Variants in PRKG2 observed in about 807,000 individuals in gnomAD.
PRKG2 encodes cGMP-dependent protein kinase 2.
Under a neutral mutation model 97.2 loss-of-function variants are expected in PRKG2, and 33 were observed. That is an observed-to-expected ratio of 0.34 (90% CI 0.26 to 0.45). The LOEUF (loss-of-function observed/expected upper bound fraction) is 0.45. Among genes scored for constraint, PRKG2 ranks in the 20% least tolerant of loss-of-function variants. The pLI, the probability that PRKG2 is intolerant of heterozygous loss-of-function variation, is 1.00. For synonymous variants in PRKG2, 330 were observed against 321.8 expected (o/e 1.03, Z -0.27); for missense variants, 638 against 900.0 (o/e 0.71, Z 3.73).
chr4:81,148,190 G>A (rs75330117), intron 9 of PRKG2, among the ~76,000 whole-genome samples: 2,344 of 151,922 alleles, frequency 0.015, 34 homozygotes, highest in Non-Finnish European at 0.023. Context: ...TTTCATATGC[G>A]TATGCTCTAT....
chr4:81,096,025 T>C (rs1742077285), intron 17 of PRKG2, among the ~76,000 whole-genome samples: 1 of 152,196 alleles, frequency 6.6e-6, no homozygotes, highest in Non-Finnish European at 1.5e-5. Context: ...CAATGAATCA[T>C]AGTCTTTTTG....
Position 81,154,546 on chromosome 4 carries a change from G to T in PRKG2, c.913-825C>A, listed in dbSNP as rs1304176474. ...CACGGCAGGGTACTCCAACAGACCTGCAGCTGAGGGTCCTGTCTGTTAGAA... is the reference window on the plus strand; with the variant it reads ...CACGGCAGGGTACTCCAACAGACCTTCAGCTGAGGGTCCTGTCTGTTAGAA... On this transcript the variant is annotated intron_variant, in intron 6 of 18. Transcript: ENST00000264399. Among the ~76,000 whole-genome samples the T allele has an allele frequency of 3.5e-5, 5 of 141,796 alleles. No homozygotes were observed. The East Asian group carries it at 6.0e-4, about 17-fold the overall frequency. 93.0% of individuals were successfully genotyped at this position (141,796 alleles called of 152,430 possible).
At chr4:81,170,868 A>G (rs1048267531) in intron 4 of PRKG2, among the ~76,000 whole-genome samples, 8 of 152,148 alleles carry the variant, frequency 5.3e-5, no homozygotes, top group Non-Finnish European at 1.0e-4. Flanking sequence ...GACTAGCTAG[A>G]AAGCAAACAT....
intron 14 of PRKG2, among the ~76,000 whole-genome samples, chr4:81,121,165 C>T (rs1745030820): frequency 6.6e-6 from 1 of 151,898 alleles, no homozygotes; most frequent in South Asian, 2.1e-4. Context: ...GGTATATAAT[C>T]CTTTGTATAC....
chr4:81,152,273 C>T (rs1006062683), intron 7 of PRKG2, among the ~76,000 whole-genome samples: 3 of 152,220 alleles, frequency 2.0e-5, no homozygotes, highest in African/African-American at 2.4e-5. Flanking sequence ...AATAACTACC[C>T]ACTGTAAGAG....
In PRKG2 at chr4:81,087,618, G is replaced by A. The variant is rs931682097; in HGVS notation, c.*2090C>T. On this transcript the variant is annotated 3_prime_UTR_variant, in exon 19 of 19. Coordinates refer to ENST00000264399, the MANE Select transcript of PRKG2 (RefSeq NM_006259.3). ...CTTAATCCCTGAAACAAACCTCTAA[G>A]TAAATATTACTTTACTCTGCCTTTT... 3 of 152,034 alleles carry A rather than the reference G, an allele frequency of 2.0e-5. No individual in the cohort carries two copies. The highest frequency in any genetic ancestry group is 7.2e-5 in the African/African-American group (3 of 41,432). The allele number at this position is 152,034 out of a possible 1,614,324, so 9.4% of individuals were successfully genotyped here.
At position 81,110,620 on chromosome 4, in the gene PRKG2, G is replaced by C. The variant is rs1453032698; in HGVS notation, c.1777-9C>G. 5 of 1,613,078 alleles carry C rather than the reference G, an allele frequency of 3.1e-6. No homozygotes were observed. The highest frequency in any genetic ancestry group is 4.2e-6 in the Non-Finnish European group (5 of 1,179,716). On this transcript the variant is annotated splice_polypyrimidine_tract_variant and intron_variant, in intron 14 of 18. Coordinates refer to ENST00000264399, the MANE Select transcript of PRKG2 (RefSeq NM_006259.3). ...GCAAATCCAAAGTCAACCTGGTAAA[G>C]AATAGCAAAGAAATTGTGCAGAAAC...
intron 3 of PRKG2, among the ~76,000 whole-genome samples, chr4:81,172,251 T>C (rs1192222579): frequency 1.3e-5 from 2 of 152,100 alleles, no homozygotes; most frequent in African/African-American, 4.8e-5. Context: ...ATGTAATACA[T>C]GAAACTATTT....
intron 8 of PRKG2, among the ~76,000 whole-genome samples, chr4:81,149,167 A>G (rs188499449): frequency 6.6e-6 from 1 of 152,290 alleles, no homozygotes; most frequent in Non-Finnish European, 1.5e-5. Context: ...AGAGGAGAAG[A>G]AGATAATTGC....
At chr4:81,129,585 T>C (rs970022342) in intron 14 of PRKG2, among the ~76,000 whole-genome samples, 3 of 152,190 alleles carry the variant, frequency 2.0e-5, no homozygotes, top group Non-Finnish European at 4.4e-5. Context: ...TACCACTATG[T>C]AATGCCCTTC....
At chr4:81,184,629 C>T (rs1366109691) in intron 2 of PRKG2, among the ~76,000 whole-genome samples, 1 of 152,054 alleles carries the variant, frequency 6.6e-6, no homozygotes, top group Non-Finnish European at 1.5e-5. Context: ...CAAACCTGGA[C>T]AGAAAATGAG....
At chr4:81,205,219 A>G (rs1218336087) in intron 1 of PRKG2, among the ~76,000 whole-genome samples, 159 bp from the exon 2 acceptor site, 1 of 150,060 alleles carries the variant, frequency 6.7e-6, no homozygotes, top group African/African-American at 2.5e-5. Flanking sequence ...AAAAAAAAAA[A>G]GCTATCTATT....
intron 1 of PRKG2, among the ~76,000 whole-genome samples, chr4:81,208,485 G>A (rs1377206979): frequency 6.6e-6 from 1 of 152,128 alleles, no homozygotes; most frequent in East Asian, 1.9e-4. Flanking sequence ...GCAGTGGCCA[G>A]TGGTGCAATC....
chr4:81,204,222 T>C (rs1578523211), intron 2 of PRKG2, among the ~76,000 whole-genome samples: 2 of 150,822 alleles, frequency 1.3e-5, no homozygotes, highest in African/African-American at 2.4e-5. Context: ...TGACTCTCTT[T>C]TTTTTTTTTT....
At chr4:81,135,390 G>A in intron 13 of PRKG2, 94 bp from the exon 14 acceptor site, 1 of 1,300,972 alleles carries the variant, frequency 7.7e-7, no homozygotes, top group Non-Finnish European at 1.0e-6. Context: ...GCAGGTTTAT[G>A]CAATATAAAT....
At chr4:81,203,262 T>G (rs1436113066) in intron 2 of PRKG2, among the ~76,000 whole-genome samples, 1 of 152,108 alleles carries the variant, frequency 6.6e-6, no homozygotes, top group Non-Finnish European at 1.5e-5. Context: ...AATAAAAATT[T>G]TGACTTAATA....
At chr4:81,093,430 T>A (rs1229999276) in intron 17 of PRKG2, among the ~76,000 whole-genome samples, 1 of 149,958 alleles carries the variant, frequency 6.7e-6, no homozygotes, top group Non-Finnish European at 1.5e-5. Context: ...CTTCCCTACT[T>A]TATCTTACCC....
At chr4:81,092,571 C>G (rs1348270133) in intron 17 of PRKG2, 119 bp from the exon 18 acceptor site, 7 of 688,850 alleles carry the variant, frequency 1.0e-5, no homozygotes, top group Non-Finnish European at 1.7e-5. Flanking sequence ...ATTAGCATGT[C>G]AAGTTATCTG....
At chr4:81,154,766 G>A (rs1001924937) in intron 6 of PRKG2, among the ~76,000 whole-genome samples, 13 of 152,314 alleles carry the variant, frequency 8.5e-5, no homozygotes, top group East Asian at 3.9e-4. Flanking sequence ...AAAGCTGGAC[G>A]GAGAATGACT....
Sources: gnomAD v4.1 joint callset for allele counts (sites outside exome capture counted in the v4.1 genomes callset) on GRCh38, gnomAD v4.1.1 for gene constraint, MANE v1.5 for transcripts, NCBI Gene and HGNC (gene_info 2026-07-23, HGNC 2026-07-21) for gene names.